The following PALM2AKAP2 variants were observed in gnomAD, a reference collection of about 807,000 sequenced individuals.
PALM2AKAP2 encodes PALM2-AKAP2 fusion protein.
In PALM2AKAP2, 37 loss-of-function variants were observed where a neutral mutation model predicts 71.5. The ratio of observed to expected loss-of-function variants is 0.52; its 90% CI spans 0.40 to 0.68. PALM2AKAP2 has a LOEUF of 0.68. Ranked by LOEUF, PALM2AKAP2 falls within the 30% of genes least tolerant of loss-of-function variation. The pLI, the probability that PALM2AKAP2 is intolerant of heterozygous loss-of-function variation, is 0.00. For synonymous variants in PALM2AKAP2, 468 were observed against 478.8 expected (o/e 0.98, Z 0.29); for missense variants, 1,224 against 1,191.8 (o/e 1.03, Z -0.40).
upstream of PALM2AKAP2, chr9:109,780,199 T>A (rs1829415354): frequency 1.2e-6 from 1 of 863,796 alleles, no homozygotes; most frequent in Non-Finnish European, 1.4e-6. Flanking sequence ...GCTGCCGGCG[T>A]CCCACGTCCT....
At chr9:110,000,461 C>T (rs1447372371) in intron 6 of PALM2AKAP2, among the ~76,000 whole-genome samples, 5 of 152,070 alleles carry the variant, frequency 3.3e-5, no homozygotes, top group South Asian at 4.2e-4. Context: ...TGAATACTGC[C>T]GCAATAAACA....
chr9:110,035,320 G>GTATTATATGTATAATACATATTATA (rs1833366949), intron 7 of PALM2AKAP2, among the ~76,000 whole-genome samples: 1 of 101,088 alleles, frequency 9.9e-6, no homozygotes, highest in African/African-American at 4.9e-5. Flanking sequence ...ACATACATAT[G>GTATTATATGTATAATACATATTATA]TATTATATGT....
chr9:110,001,830 T>C (rs1804336206), intron 6 of PALM2AKAP2, among the ~76,000 whole-genome samples: 1 of 152,218 alleles, frequency 6.6e-6, no homozygotes, highest in Admixed American at 6.5e-5. Flanking sequence ...GTTATTGGTG[T>C]ATAAGAATGC....
intron 1 of PALM2AKAP2, among the ~76,000 whole-genome samples, chr9:109,697,365 G>A (rs1827987312): frequency 6.6e-6 from 1 of 152,104 alleles, no homozygotes. Context: ...GCATAACAGT[G>A]TTTGCTTGTT....
At chr9:110,132,032 C>CGTGTGT (rs3063946) in intron 1 of PALM2AKAP2, among the ~76,000 whole-genome samples, 1,895 of 147,496 alleles carry the variant, frequency 0.013, 30 homozygotes, top group Middle Eastern at 0.031. Flanking sequence ...AAGTAACTAG[C>CGTGTGT]GTGTGTGTGT....
chr9:109,925,183 G>C, intron 5 of PALM2AKAP2, 101 bp downstream of exon 5: 1 of 1,567,540 alleles, frequency 6.4e-7, no homozygotes. Flanking sequence ...GTGTTGATTT[G>C]TAAAGGCATC....
chr9:109,882,815 TA>T (rs1489112565), intron 3 of PALM2AKAP2, among the ~76,000 whole-genome samples: 2 of 151,058 alleles, frequency 1.3e-5, no homozygotes, highest in Non-Finnish European at 2.9e-5. Flanking sequence ...GCATTATTAT[TA>T]TTTTTTTTTT....
At chr9:109,700,972 T>C (rs1366072206) in intron 1 of PALM2AKAP2, among the ~76,000 whole-genome samples, 2 of 152,200 alleles carry the variant, frequency 1.3e-5, no homozygotes, top group Non-Finnish European at 2.9e-5. Context: ...AAGTATGGGA[T>C]ATTGCATATG....
intron 1 of PALM2AKAP2, among the ~76,000 whole-genome samples, chr9:110,057,366 G>GTTT (rs34347147): frequency 2.2e-5 from 3 of 134,108 alleles, no homozygotes; most frequent in Admixed American, 7.8e-5. Context: ...CTCCTTCTCT[G>GTTT]TTTTTTTTTT....
At chr9:109,830,246 C>A (rs188398910) in intron 1 of PALM2AKAP2, among the ~76,000 whole-genome samples, 3 of 152,146 alleles carry the variant, frequency 2.0e-5, no homozygotes, top group African/African-American at 7.2e-5. Context: ...TGATTATAGA[C>A]GATTTTTACT....
intron 3 of PALM2AKAP2, among the ~76,000 whole-genome samples, chr9:109,889,548 C>T (rs1830039912): frequency 6.6e-6 from 1 of 152,156 alleles, no homozygotes; most frequent in South Asian, 2.1e-4. Context: ...CTCCAAGGAC[C>T]ACACAGAAAA....
chr9:109,786,200 G>A (rs1345578316), intron 1 of PALM2AKAP2, among the ~76,000 whole-genome samples: 1 of 152,224 alleles, frequency 6.6e-6, no homozygotes, highest in African/African-American at 2.4e-5. Context: ...CAGTGGCCAA[G>A]GAGGCCACCA....
chr9:109,924,557 G>A (rs1830909027), intron 4 of PALM2AKAP2, among the ~76,000 whole-genome samples: 1 of 152,100 alleles, frequency 6.6e-6, no homozygotes, highest in Non-Finnish European at 1.5e-5. Context: ...CTGAGATTAC[G>A]CCACTGCACT....
At chr9:110,085,999 C>T (rs779344921) in intron 1 of PALM2AKAP2, among the ~76,000 whole-genome samples, 8 of 150,418 alleles carry the variant, frequency 5.3e-5, no homozygotes, top group African/African-American at 9.8e-5. Flanking sequence ...CCTGGCTACT[C>T]GGGAGGTTGA....
At chr9:109,978,845 T>G (rs1190664353) in intron 6 of PALM2AKAP2, among the ~76,000 whole-genome samples, 1 of 152,142 alleles carries the variant, frequency 6.6e-6, no homozygotes, top group Non-Finnish European at 1.5e-5. Context: ...CCTCAGCCAT[T>G]CAATAGTGTC....
At chr9:109,731,424 T>C (rs928601553) in intron 1 of PALM2AKAP2, among the ~76,000 whole-genome samples, 8 of 152,156 alleles carry the variant, frequency 5.3e-5, no homozygotes, top group African/African-American at 1.4e-4. Context: ...AAAAGTAAAC[T>C]GAAGAAAAAA....
At chr9:110,162,559 T>TAAAGCTAGA (rs1836628354) in intron 3 of PALM2AKAP2, among the ~76,000 whole-genome samples, 1 of 152,250 alleles carries the variant, frequency 6.6e-6, no homozygotes, top group African/African-American at 2.4e-5. Context: ...TACCTTAACA[T>TAAAGCTAGA]AAAGCTAGAA....
At chr9:109,952,723 T>C (rs760209546) in intron 6 of PALM2AKAP2, among the ~76,000 whole-genome samples, 1 of 152,234 alleles carries the variant, frequency 6.6e-6, no homozygotes, top group Non-Finnish European at 1.5e-5. Context: ...TTCTTTACAT[T>C]ATTCTCTTTG....
intron 1 of PALM2AKAP2, among the ~76,000 whole-genome samples, chr9:110,074,598 A>C (rs999007446): frequency 1.3e-5 from 2 of 152,360 alleles, no homozygotes; most frequent in Non-Finnish European, 2.9e-5. Flanking sequence ...ATAACGAGGC[A>C]TTATGTCTGC....
Sources: gnomAD v4.1 joint callset for allele counts (sites outside exome capture counted in the v4.1 genomes callset) on GRCh38, gnomAD v4.1.1 for gene constraint, MANE v1.5 for transcripts, NCBI Gene and HGNC (gene_info 2026-07-23, HGNC 2026-07-21) for gene names.